The following PRKAG2 variants were observed in gnomAD, a reference collection of about 807,000 sequenced individuals.
PRKAG2 encodes 5'-AMP-activated protein kinase subunit gamma-2.
Under a neutral mutation model 69.6 loss-of-function variants are expected in PRKAG2, and 26 were observed. The observed-to-expected ratio is 0.37, with a 90% confidence interval of 0.27 to 0.52. The LOEUF (loss-of-function observed/expected upper bound fraction) is 0.52. Among genes scored for constraint, PRKAG2 ranks in the 20% least tolerant of loss-of-function variants. The pLI is 0.90. For synonymous variants in PRKAG2, 293 were observed against 285.0 expected, an observed-to-expected ratio of 1.03 and a Z score of -0.28; for missense variants, 557 against 740.0, an observed-to-expected ratio of 0.75 and a Z score of 2.87.
rs150122851 is a variant in PRKAG2 at position 151,694,733 on chromosome 7, G to C, written c.467-19096C>G. Among the ~76,000 whole-genome samples the C allele has an allele frequency of 1.3e-3, 191 of 152,310 alleles. 3 individuals are homozygous for C. Among genetic ancestry groups the C allele is most frequent in the South Asian group, 0.011 (51 of 4,824 alleles). ...TTTGCCATCGCTTTGCTATTGCTCTGTGTCTCCCAAGAGATCGCTGCCCCT... is the reference window on the plus strand; with the variant it reads ...TTTGCCATCGCTTTGCTATTGCTCTCTGTCTCCCAAGAGATCGCTGCCCCT... On this transcript the variant is annotated intron_variant, in intron 3 of 15. Transcript: ENST00000287878.
At chr7:151,622,668 G>A (rs866671754) in intron 5 of PRKAG2, among the ~76,000 whole-genome samples, 6 of 152,132 alleles carry the variant, frequency 3.9e-5, no homozygotes, top group Non-Finnish European at 7.4e-5. Flanking sequence ...TTGTAAAATG[G>A]TGACACACCA....
At chr7:151,611,021 C>CT (rs1427718581) in intron 5 of PRKAG2, among the ~76,000 whole-genome samples, 1 of 152,116 alleles carries the variant, frequency 6.6e-6, no homozygotes, top group Non-Finnish European at 1.5e-5. Flanking sequence ...TCCCAAAGTG[C>CT]TGGGATTACA....
At chr7:151,819,538 C>T (rs1278738739) in intron 1 of PRKAG2, among the ~76,000 whole-genome samples, 1 of 152,222 alleles carries the variant, frequency 6.6e-6, no homozygotes, top group African/African-American at 2.4e-5. Context: ...CTGCCCCTCC[C>T]TGGGTACCTC....
intron 3 of PRKAG2, among the ~76,000 whole-genome samples, chr7:151,730,938 G>A (rs1003907874): frequency 5.3e-5 from 8 of 152,146 alleles, no homozygotes; most frequent in Non-Finnish European, 5.9e-5. Context: ...TGTGGTCTCC[G>A]GTCTTACTGG....
At chr7:151,797,531 G>A (rs572105540) in intron 1 of PRKAG2, among the ~76,000 whole-genome samples, 1 of 152,266 alleles carries the variant, frequency 6.6e-6, no homozygotes, top group South Asian at 2.1e-4. Context: ...GCCTGCAAAG[G>A]CTGCCACCTC....
chr7:151,749,355 C>G (rs373276892), intron 3 of PRKAG2, among the ~76,000 whole-genome samples: 1 of 152,196 alleles, frequency 6.6e-6, no homozygotes, highest in African/African-American at 2.4e-5. Context: ...GAACTGTAGT[C>G]CCCGGTATCC....
chr7:151,833,528 C>T (rs904106239), intron 1 of PRKAG2, among the ~76,000 whole-genome samples: 30 of 152,280 alleles, frequency 2.0e-4, no homozygotes, highest in African/African-American at 6.7e-4. Context: ...CTGCGCTCTG[C>T]TATAGAGAGG....
chr7:151,836,517 G>T lies in PRKAG2; in HGVS notation c.114+39990C>A, dbSNP rs745565194. 3.3e-5 allele frequency among the ~76,000 whole-genome samples: 5 copies of T among 152,222 alleles called. No individual in the cohort carries two copies. The highest frequency in any genetic ancestry group is 5.9e-5 in the Non-Finnish European group (4 of 68,038). On this transcript the variant is annotated intron_variant, in intron 1 of 15. Transcript: ENST00000287878. This position sits in a 1 kb window ranked among gnomAD's most constrained non-coding sequence, Gnocchi z 4.1. Reference sequence around the variant, plus strand: ...CAACAACAACAACAAAGGCAAGGTGGACCCATCGCTGGCTCCTCTGCCTCC... The same window carrying T: ...CAACAACAACAACAAAGGCAAGGTGTACCCATCGCTGGCTCCTCTGCCTCC...
At chr7:151,861,645 C>G (rs976834041) in intron 1 of PRKAG2, among the ~76,000 whole-genome samples, 2 of 151,836 alleles carry the variant, frequency 1.3e-5, no homozygotes, top group Non-Finnish European at 2.9e-5. Flanking sequence ...TTCTTAGGGT[C>G]GGTCCTCCCA....
At chr7:151,863,846 GGCA>G (rs1419210670) in intron 1 of PRKAG2, among the ~76,000 whole-genome samples, 1 of 151,334 alleles carries the variant, frequency 6.6e-6, no homozygotes, top group Non-Finnish European at 1.5e-5. Context: ...AGGAGTTCCA[GGCA>G]GCAGTGTTCG....
chr7:151,731,508 C>T (rs1798919114), intron 3 of PRKAG2, among the ~76,000 whole-genome samples: 1 of 146,362 alleles, frequency 6.8e-6, no homozygotes, highest in South Asian at 2.2e-4. Flanking sequence ...GATTTGATGG[C>T]TGTGGGGAGA....
intron 5 of PRKAG2, among the ~76,000 whole-genome samples, chr7:151,615,051 C>T (rs1353773173): frequency 2.0e-5 from 3 of 152,130 alleles, no homozygotes; most frequent in Non-Finnish European, 2.9e-5. Flanking sequence ...GAGGGAACCT[C>T]GAGACAGAAG....
chr7:151,661,479 G>A (rs978493615), intron 4 of PRKAG2, among the ~76,000 whole-genome samples: 3 of 152,182 alleles, frequency 2.0e-5, no homozygotes, highest in Admixed American at 6.5e-5. Flanking sequence ...AGGAAATCAC[G>A]GGCAGAGCTG....
intron 3 of PRKAG2, among the ~76,000 whole-genome samples, chr7:151,702,348 G>A (rs1407409772): frequency 1.3e-5 from 2 of 152,182 alleles, no homozygotes; most frequent in African/African-American, 4.8e-5. Context: ...GGCACACACT[G>A]ACTCTCTTCC....
chr7:151,573,781 TTG>T (rs1808248615), intron 8 of PRKAG2, among the ~76,000 whole-genome samples: 2 of 151,930 alleles, frequency 1.3e-5, no homozygotes, highest in African/African-American at 4.8e-5. Flanking sequence ...AAGAGTATGG[TTG>T]TGTTTGTTTT....
At chr7:151,683,775 A>C (rs1343317417) in intron 3 of PRKAG2, among the ~76,000 whole-genome samples, 2 of 152,134 alleles carry the variant, frequency 1.3e-5, no homozygotes, top group Non-Finnish European at 2.9e-5. Flanking sequence ...ACCTGTGCTG[A>C]GTAGCTGTAG....
At chr7:151,705,754 C>T (rs986729417) in intron 3 of PRKAG2, among the ~76,000 whole-genome samples, 1 of 152,238 alleles carries the variant, frequency 6.6e-6, no homozygotes, top group African/African-American at 2.4e-5. Context: ...TCTGGGGTCC[C>T]CTCCTAGAGC....
chr7:151,562,419 C>CA (rs1333859845), intron 14 of PRKAG2, among the ~76,000 whole-genome samples: 1 of 151,760 alleles, frequency 6.6e-6, no homozygotes, highest in Non-Finnish European at 1.5e-5. Context: ...TATTTTGTCT[C>CA]AAATAATACT....
intron 3 of PRKAG2, among the ~76,000 whole-genome samples, chr7:151,688,674 C>A (rs1045809195): frequency 2.9e-4 from 44 of 152,144 alleles, no homozygotes; most frequent in African/African-American, 1.1e-3. Context: ...TGGTTGTTGA[C>A]AATTTGTTTA....
Sources: gnomAD v4.1 joint callset for allele counts (sites outside exome capture counted in the v4.1 genomes callset) on GRCh38, gnomAD v4.1.1 for gene constraint, Gnocchi (gnomAD v3.1) non-coding constraint, MANE v1.5 for transcripts, NCBI Gene and HGNC (gene_info 2026-07-23, HGNC 2026-07-21) for gene names.